The following INO80D variants were observed in gnomAD, a reference collection of about 807,000 sequenced individuals.
INO80D encodes the protein INO80 complex subunit D.
INO80D carries 21 observed loss-of-function variants against 87.6 expected under a neutral mutation model. The observed-to-expected ratio is 0.24, with a 90% confidence interval of 0.17 to 0.35. The LOEUF (loss-of-function observed/expected upper bound fraction) is 0.35, where lower values mean the gene tolerates loss of function less well. Among genes scored for constraint, INO80D ranks in the 10% least tolerant of loss-of-function variants. The pLI is 1.00. For missense variants in INO80D, 982 were observed against 1,280.7 expected, an observed-to-expected ratio of 0.77 and a Z score of 3.56; for synonymous variants, 440 against 491.0, an observed-to-expected ratio of 0.90 and a Z score of 1.37.
chr2:206,082,625 C>T (rs1690315387), intron 1 of INO80D, among the ~76,000 whole-genome samples: 1 of 152,116 alleles, frequency 6.6e-6, no homozygotes, highest in South Asian at 2.1e-4. Flanking sequence ...CCCAGTCTCA[C>T]CTATTCAACC....
intron 5 of INO80D, among the ~76,000 whole-genome samples, chr2:206,036,171 A>G (rs1688888092): frequency 6.6e-6 from 1 of 152,182 alleles, no homozygotes; most frequent in South Asian, 2.1e-4. Context: ...CCACTATGGA[A>G]AACAGTGTGG....
intron 3 of INO80D, among the ~76,000 whole-genome samples, chr2:206,057,899 TAA>T (rs112491612): frequency 1.2e-4 from 17 of 140,084 alleles, no homozygotes; most frequent in Non-Finnish European, 7.8e-5. Flanking sequence ...GTGGAAAGTT[TAA>T]AAAAAAAAAA....
chr2:206,005,379 C>T lies in INO80D; in HGVS notation c.2073G>A (p.Gly691=). Reference sequence around the variant, plus strand: ...AAGCTCCAGTACCTGTGGAGAACACCCCTATTCCTCTATCTGACAACTCCT... The same window carrying T: ...AAGCTCCAGTACCTGTGGAGAACACTCCTATTCCTCTATCTGACAACTCCT... ...PVQELSDRGI[G]VFSTGTGASG... is the part of the protein sequence containing the mutation. The change falls in exon 11 of 11, where the codon GGG becomes GGA. Residue 691 remains glycine, a synonymous_variant. Coordinates refer to ENST00000403263, the MANE Select transcript of INO80D (RefSeq NM_017759.5). 1 of 1,613,972 alleles carries T rather than the reference C, an allele frequency of 6.2e-7. No homozygotes were observed. Among genetic ancestry groups the T allele is most frequent in the Non-Finnish European group, 8.5e-7 (1 of 1,179,890 alleles).
chr2:206,028,642 T>A (rs985526113), intron 5 of INO80D, among the ~76,000 whole-genome samples: 3 of 152,114 alleles, frequency 2.0e-5, no homozygotes, highest in African/African-American at 7.2e-5. Flanking sequence ...AGGAAAAAAA[T>A]TCATTTCTTT....
intron 5 of INO80D, 142 bp from the exon 6 acceptor site, chr2:206,028,477 A>G (rs1015475981): frequency 3.3e-6 from 2 of 598,584 alleles, no homozygotes; most frequent in Non-Finnish European, 2.9e-6. Flanking sequence ...ACACAATTAG[A>G]GTAAGAGAAT....
chr2:206,072,497 C>A (rs375356799), intron 1 of INO80D, among the ~76,000 whole-genome samples: 1 of 151,964 alleles, frequency 6.6e-6, no homozygotes, highest in East Asian at 1.9e-4. Flanking sequence ...AGGCTGGTCT[C>A]GAATTCCTGT....
chr2:206,054,043 T>C (rs2105878174), intron 4 of INO80D, among the ~76,000 whole-genome samples: 1 of 152,248 alleles, frequency 6.6e-6, no homozygotes, highest in Non-Finnish European at 1.5e-5. Flanking sequence ...TTTTGCCATA[T>C]TGGCCAGGCT....
chr2:206,058,766 T>C (rs1689602506), intron 3 of INO80D, among the ~76,000 whole-genome samples: 2 of 152,066 alleles, frequency 1.3e-5, no homozygotes, highest in African/African-American at 2.4e-5. Flanking sequence ...CAGTACTCCA[T>C]GCTTAAATAA....
chr2:206,008,558 C>A (rs922219164), intron 9 of INO80D, among the ~76,000 whole-genome samples: 1 of 152,170 alleles, frequency 6.6e-6, no homozygotes, highest in African/African-American at 2.4e-5. Flanking sequence ...GGATTACAGG[C>A]ATGAGCCACC....
At chr2:206,058,313 G>A (rs1689585343) in intron 3 of INO80D, among the ~76,000 whole-genome samples, 1 of 151,776 alleles carries the variant, frequency 6.6e-6, no homozygotes. Flanking sequence ...CAGCTACTCG[G>A]GAGGCTGAGG....
intron 8 of INO80D, among the ~76,000 whole-genome samples, chr2:206,013,026 TCTAA>T (rs375928551): frequency 6.7e-4 from 102 of 152,192 alleles, no homozygotes; most frequent in African/African-American, 2.0e-3. Context: ...ACTGCCAGAT[TCTAA>T]CTGTCTTCAG....
At chr2:206,022,466 A>G (rs1276590235) in intron 6 of INO80D, among the ~76,000 whole-genome samples, 1 of 152,206 alleles carries the variant, frequency 6.6e-6, no homozygotes, top group Non-Finnish European at 1.5e-5. Flanking sequence ...GGGAATTACC[A>G]AAACTTTTTC....
chr2:206,067,693 AT>A (rs1689856625), intron 1 of INO80D, among the ~76,000 whole-genome samples: 1 of 152,154 alleles, frequency 6.6e-6, no homozygotes, highest in Non-Finnish European at 1.5e-5. Context: ...AATCCATGCC[AT>A]TTTTCATTTT....
chr2:206,081,768 A>AAAAAAAAG (rs371153818), intron 1 of INO80D, among the ~76,000 whole-genome samples: 5 of 147,062 alleles, frequency 3.4e-5, no homozygotes, highest in Non-Finnish European at 7.5e-5. Flanking sequence ...AAAAAAAAAA[A>AAAAAAAAG]AAAGAAAGAA....
At chr2:206,083,483 TA>T (rs1690339731) in intron 1 of INO80D, among the ~76,000 whole-genome samples, 1 of 152,150 alleles carries the variant, frequency 6.6e-6, no homozygotes, top group South Asian at 2.1e-4. Flanking sequence ...AATTAATCAA[TA>T]AACTTAAAAC....
intron 1 of INO80D, among the ~76,000 whole-genome samples, chr2:206,076,342 A>G (rs941056882): frequency 6.6e-6 from 1 of 152,258 alleles, no homozygotes; most frequent in African/African-American, 2.4e-5. Flanking sequence ...ATAAAGTCTT[A>G]AAAACGTTTT....
intron 6 of INO80D, among the ~76,000 whole-genome samples, chr2:206,024,328 G>A (rs1209262267): frequency 6.6e-6 from 1 of 152,116 alleles, no homozygotes; most frequent in Non-Finnish European, 1.5e-5. Flanking sequence ...AGAGTACAGA[G>A]CACAGTAGGC....
rs143392413 is a variant in INO80D at position 205,998,450 on chromosome 2, C to CAAAAA, written c.*5913_*5917dup. 2 of 82,472 alleles carry CAAAAA rather than the reference C, an allele frequency of 2.4e-5. No individual in the cohort carries two copies. The highest frequency in any genetic ancestry group is 4.6e-5 in the Non-Finnish European group (2 of 43,624). The allele number at this position is 82,472 out of a possible 1,614,324, so 5.1% of individuals were successfully genotyped here. A position where few individuals can be genotyped will look rare whatever the true frequency, so the allele number is the denominator to read the frequency against. ...AAGGTGCTTCACTAGTTTGTTTTGT[C>CAAAAA]AAAAAAAAAAAAAAAAAAAAAAGCT... On this transcript the variant is annotated 3_prime_UTR_variant, in exon 11 of 11. Coordinates refer to ENST00000403263, the MANE Select transcript of INO80D (RefSeq NM_017759.5).
At chr2:206,015,234 T>C (rs766823711) in intron 8 of INO80D, among the ~76,000 whole-genome samples, 4 of 152,104 alleles carry the variant, frequency 2.6e-5, no homozygotes, top group East Asian at 1.9e-4. Context: ...CTGCAGAAAT[T>C]TGCATAATTA....
Sources: gnomAD v4.1 joint callset for allele counts (sites outside exome capture counted in the v4.1 genomes callset) on GRCh38, gnomAD v4.1.1 for gene constraint, MANE v1.5 for transcripts, NCBI Gene and HGNC (gene_info 2026-07-23, HGNC 2026-07-21) for gene names.